The following COL25A1 variants were observed in gnomAD, a reference collection of about 807,000 sequenced individuals.
COL25A1 encodes collagen type XXV alpha 1 chain, also known as collagen alpha-1(XXV) chain.
A neutral mutation model predicts 128.4 loss-of-function variants in COL25A1; 103 were observed. That is an observed-to-expected ratio of 0.80 (90% CI 0.68 to 0.94). COL25A1 has a LOEUF of 0.94. Among genes scored for constraint, COL25A1 ranks in the 40% least tolerant of loss-of-function variants. The pLI is 0.00. For synonymous variants in COL25A1, 279 were observed against 277.2 expected, an observed-to-expected ratio of 1.01 and a Z score of -0.06; for missense variants, 745 against 840.0, an observed-to-expected ratio of 0.89 and a Z score of 1.40.
intron 3 of COL25A1, among the ~76,000 whole-genome samples, chr4:109,279,788 T>C (rs935986423): frequency 1.3e-5 from 2 of 152,212 alleles, no homozygotes; most frequent in African/African-American, 4.8e-5. Context: ...ACATTTGCCC[T>C]TTATTCTACT....
intron 3 of COL25A1, among the ~76,000 whole-genome samples, chr4:109,102,652 T>C (rs1766007913): frequency 6.6e-6 from 1 of 152,200 alleles, no homozygotes; most frequent in South Asian, 2.1e-4. Context: ...GTTCTGTTAA[T>C]GTTTGCTTCA....
chr4:109,043,361 A>G lies in COL25A1; in HGVS notation c.420+4807T>C, dbSNP rs761668294. Among the ~76,000 whole-genome samples the G allele has an allele frequency of 4.7e-4, 72 of 152,110 alleles. 1 individual carries two copies. Among genetic ancestry groups the G allele is most frequent in the Admixed American group, 2.0e-4 (3 of 15,248 alleles). ...CATCTACCACATTGGCAGAAATAGC[A>G]TTGTAAGCTTAACTTGGCCAAGTCT... On this transcript the variant is annotated intron_variant, in intron 5 of 37. Coordinates refer to ENST00000399132, the MANE Select transcript of COL25A1 (RefSeq NM_198721.4).
At chr4:109,027,743 G>A (rs928901222) in intron 5 of COL25A1, among the ~76,000 whole-genome samples, 20 of 151,848 alleles carry the variant, frequency 1.3e-4, no homozygotes, top group African/African-American at 4.8e-4. Flanking sequence ...AATGTGGGGT[G>A]TGAGAAAAAA....
intron 8 of COL25A1, among the ~76,000 whole-genome samples, chr4:108,954,425 C>T (rs1032763667): frequency 7.2e-5 from 11 of 151,944 alleles, no homozygotes; most frequent in Non-Finnish European, 1.5e-4. Flanking sequence ...TTTATTCGCA[C>T]ATATAATTTA....
intron 3 of COL25A1, among the ~76,000 whole-genome samples, chr4:109,259,631 C>T (rs1269423757): frequency 1.3e-5 from 2 of 152,180 alleles, no homozygotes; most frequent in Non-Finnish European, 2.9e-5. Flanking sequence ...TTCAACAGCA[C>T]AGTCTTACCA....
chr4:108,986,541 A>C (rs12499562), intron 6 of COL25A1, among the ~76,000 whole-genome samples: 120,492 of 152,134 alleles, frequency 0.79, 48,977 homozygotes, highest in East Asian at 1. Context: ...AATAATACCA[A>C]AAGGAAGTAA....
chr4:108,887,086 C>CT (rs1197014794), intron 18 of COL25A1, among the ~76,000 whole-genome samples: 1 of 152,184 alleles, frequency 6.6e-6, no homozygotes, highest in Non-Finnish European at 1.5e-5. Context: ...CTCCAACTCA[C>CT]ACATCAATCA....
At chr4:109,250,245 T>C (rs953610773) in intron 3 of COL25A1, among the ~76,000 whole-genome samples, 42 of 152,032 alleles carry the variant, frequency 2.8e-4, no homozygotes, top group Admixed American at 2.0e-4. Context: ...CTCCAAGATA[T>C]ATTATAGAGA....
intron 19 of COL25A1, among the ~76,000 whole-genome samples, chr4:108,882,020 A>C (rs1204967254): frequency 6.6e-6 from 1 of 152,146 alleles, no homozygotes; most frequent in African/African-American, 2.4e-5. Flanking sequence ...AGAAAAACAA[A>C]AGAAAATATC....
intron 3 of COL25A1, among the ~76,000 whole-genome samples, chr4:109,243,025 G>T (rs1047742803): frequency 6.6e-6 from 1 of 151,972 alleles, no homozygotes; most frequent in Non-Finnish European, 1.5e-5. Flanking sequence ...CTACATATCT[G>T]CAACTTTATA....
At chr4:109,013,507 T>TC (rs1367555591) in intron 5 of COL25A1, among the ~76,000 whole-genome samples, 3 of 151,788 alleles carry the variant, frequency 2.0e-5, no homozygotes, top group Non-Finnish European at 2.9e-5. Context: ...GCTTTGTTCT[T>TC]TCACTCTTTG....
chr4:109,139,322 T>C (rs1770149506), intron 3 of COL25A1, among the ~76,000 whole-genome samples: 1 of 152,210 alleles, frequency 6.6e-6, no homozygotes, highest in Non-Finnish European at 1.5e-5. Context: ...GCAGAAGCTC[T>C]TTAGTTTAAT....
intron 3 of COL25A1, among the ~76,000 whole-genome samples, chr4:109,267,491 A>T (rs1468721561): frequency 1.3e-5 from 2 of 152,200 alleles, no homozygotes; most frequent in African/African-American, 4.8e-5. Flanking sequence ...GAAAATCTTC[A>T]ATGTCTCCCA....
chr4:108,853,570 C>T (rs920608370), intron 24 of COL25A1, among the ~76,000 whole-genome samples: 68 of 152,058 alleles, frequency 4.5e-4, no homozygotes, highest in African/African-American at 1.6e-3. Flanking sequence ...AGAATGTGCA[C>T]ATTTGTTACA....
intron 3 of COL25A1, among the ~76,000 whole-genome samples, chr4:109,107,155 G>C (rs1222947954): frequency 6.6e-6 from 1 of 152,054 alleles, no homozygotes; most frequent in African/African-American, 2.4e-5. Context: ...TCCACCATAA[G>C]TTCCAATGAA....
chr4:109,136,862 G>A (rs1407924439), intron 3 of COL25A1, among the ~76,000 whole-genome samples: 2 of 152,196 alleles, frequency 1.3e-5, no homozygotes, highest in Non-Finnish European at 2.9e-5. Flanking sequence ...TGTCTCAGGT[G>A]CCCTCACTCT....
chr4:109,178,732 A>G (rs1393380556), intron 3 of COL25A1, among the ~76,000 whole-genome samples: 4 of 150,610 alleles, frequency 2.7e-5, no homozygotes, highest in Non-Finnish European at 5.9e-5. Context: ...CTACTCAGGA[A>G]GCTGAGGCAG....
chr4:108,949,620 A>G (rs894347339), intron 8 of COL25A1, among the ~76,000 whole-genome samples: 2 of 150,856 alleles, frequency 1.3e-5, no homozygotes, highest in Non-Finnish European at 2.9e-5. Flanking sequence ...TGCAACCTCT[A>G]CCTCCTGGGT....
intron 3 of COL25A1, among the ~76,000 whole-genome samples, chr4:109,159,737 T>C (rs1772378479): frequency 6.6e-6 from 1 of 152,224 alleles, no homozygotes; most frequent in South Asian, 2.1e-4. Context: ...GTGGCTAAAA[T>C]AGTGGATTTG....
Sources: gnomAD v4.1 joint callset for allele counts (sites outside exome capture counted in the v4.1 genomes callset) on GRCh38, gnomAD v4.1.1 for gene constraint, MANE v1.5 for transcripts, NCBI Gene and HGNC (gene_info 2026-07-23, HGNC 2026-07-21) for gene names.